IQANK1: variants seen among roughly 807,000 people sequenced by gnomAD.
IQANK1 encodes the protein IQ motif and ankyrin repeat containing 1.
In IQANK1, 30 loss-of-function variants were observed where a neutral mutation model predicts 22.6. The observed-to-expected ratio is 1.33, with a 90% CI of 0.99 to 1.80. The LOEUF (loss-of-function observed/expected upper bound fraction) is 1.80. Among genes scored for constraint, IQANK1 ranks in the 40% most tolerant of loss-of-function variants. IQANK1 has a pLI of 0.00. For missense variants in IQANK1, 275 were observed against 235.2 expected (o/e 1.17, Z -1.11); for synonymous variants, 122 against 99.6 (o/e 1.23, Z -1.34).
chr8:143,749,510 TATAAAAATATATATCAC>T (rs551291966), intron 3 of IQANK1, among the ~76,000 whole-genome samples: 2,299 of 138,674 alleles, frequency 0.017, 28 homozygotes, highest in Non-Finnish European at 0.025. Context: ...CATATAAATA[TATAAAAATATATATCAC>T]ATAAAAATAT....
In IQANK1 at chr8:143,790,029, G is replaced by A; in HGVS notation, c.1254G>A (p.Met418Ile). ...TCACCGAGCTGCACGATGTGCTGAT[G>A]AAAGATGTAGGCAACCGCATCCGTG... The part of the protein sequence containing the change: ...CQVTELHDVL[M>I]KDVGNRIRAD... Residue 418 changes from methionine to isoleucine, a missense_variant, in exon 12 of 14, where the codon ATG (methionine) becomes ATA (isoleucine). Met to Ile is a conservative substitution (Grantham distance 10). Coordinates refer to ENST00000527139, the MANE Select transcript of IQANK1 (RefSeq NM_001381874.1). 1 of 1,232,136 alleles carries A rather than the reference G, an allele frequency of 8.1e-7. No homozygotes were observed. The highest frequency in any genetic ancestry group is 1.0e-6 in the Non-Finnish European group (1 of 988,032). 76.3% of individuals were successfully genotyped at this position (1,232,136 alleles called of 1,614,324 possible).
At chr8:143,760,078 T>C (rs1319531075) in intron 3 of IQANK1, among the ~76,000 whole-genome samples, 1 of 152,142 alleles carries the variant, frequency 6.6e-6, no homozygotes, top group Non-Finnish European at 1.5e-5. Context: ...GGCCCCAGAA[T>C]TTGGCATTCA....
chr8:143,756,964 T>G (rs1369633766), intron 3 of IQANK1, among the ~76,000 whole-genome samples: 2 of 147,656 alleles, frequency 1.4e-5, no homozygotes, highest in African/African-American at 5.0e-5. Context: ...GGTGACAGAA[T>G]AGGACCCTGT....
chr8:143,739,505 TGGG>T (rs1175563448), intron 2 of IQANK1: 1 of 234,078 alleles, frequency 4.3e-6, no homozygotes, highest in Non-Finnish European at 8.2e-6. Flanking sequence ...TGGCACAAGG[TGGG>T]GGACAGTGTC....
intron 3 of IQANK1, among the ~76,000 whole-genome samples, chr8:143,754,635 T>A (rs940070443): frequency 3.3e-5 from 5 of 151,562 alleles, no homozygotes; most frequent in African/African-American, 7.3e-5. Context: ...TTATTATTAT[T>A]TTTTTTTTGA....
At chr8:143,753,211 G>T (rs1819228717) in intron 3 of IQANK1, among the ~76,000 whole-genome samples, 1 of 151,656 alleles carries the variant, frequency 6.6e-6, no homozygotes, top group Non-Finnish European at 1.5e-5. Context: ...ACAGGGTTTT[G>T]CTATGTTGCC....
At chr8:143,776,103 C>T (rs1040948006) in intron 7 of IQANK1, among the ~76,000 whole-genome samples, 5 of 151,332 alleles carry the variant, frequency 3.3e-5, no homozygotes, top group Admixed American at 6.6e-5. Context: ...GGGCAGATTA[C>T]GGGGTCAGGA....
intron 3 of IQANK1, among the ~76,000 whole-genome samples, chr8:143,766,130 T>C (rs527934353): frequency 1.3e-5 from 2 of 152,288 alleles, no homozygotes; most frequent in African/African-American, 4.8e-5. Flanking sequence ...AGGTTTTAGA[T>C]TGGATTTCCC....
intron 3 of IQANK1, among the ~76,000 whole-genome samples, chr8:143,748,792 T>TATATATC (rs1563770416): frequency 2.3e-4 from 26 of 111,296 alleles, no homozygotes; most frequent in African/African-American, 7.4e-4. Context: ...CATATATAAA[T>TATATATC]ATATAAATAT....
chr8:143,749,278 TATATATAAAAATATATA>T (rs1462041095), intron 3 of IQANK1, among the ~76,000 whole-genome samples: 8 of 122,322 alleles, frequency 6.5e-5, no homozygotes, highest in African/African-American at 1.7e-4. Flanking sequence ...TATATATAAA[TATATATAAAAATATATA>T]ATATATAAAA....
intron 7 of IQANK1, 41 bp downstream of exon 7, chr8:143,772,523 CCGGGAGGTGTGGGCCT>C (rs1239654322): frequency 2.0e-5 from 8 of 398,194 alleles, no homozygotes; most frequent in East Asian, 3.6e-5. Flanking sequence ...GGTGTGAGCC[CCGGGAGGTGTGGGCCT>C]CGGGAGGTGT....
intron 3 of IQANK1, among the ~76,000 whole-genome samples, chr8:143,765,671 T>C (rs1161255675): frequency 6.6e-6 from 1 of 152,252 alleles, no homozygotes; most frequent in Admixed American, 6.5e-5. Context: ...TTTTCACTTT[T>C]GGTATGTTAT....
intron 3 of IQANK1, among the ~76,000 whole-genome samples, chr8:143,747,638 G>GTT (rs34261314): frequency 0.039 from 5,912 of 150,618 alleles, 351 homozygotes; most frequent in African/African-American, 0.13. Context: ...GTTGAAGGGT[G>GTT]TTTTTTTTTA....
intron 3 of IQANK1, among the ~76,000 whole-genome samples, chr8:143,757,040 C>G (rs568001641): frequency 5.4e-4 from 82 of 152,070 alleles, no homozygotes; most frequent in Middle Eastern, 3.4e-3. Context: ...GGGTTCTGTG[C>G]TGTGATTTTC....
At chr8:143,739,689 A>G (rs1818846941) in intron 2 of IQANK1, among the ~76,000 whole-genome samples, 170 bp from the exon 3 acceptor site, 2 of 152,116 alleles carry the variant, frequency 1.3e-5, no homozygotes, top group African/African-American at 2.4e-5. Flanking sequence ...CTGCTGGAGG[A>G]GCCCGTGCTC....
In IQANK1 at chr8:143,771,722, C is replaced by G. The variant is rs1180756654; in HGVS notation, c.307-79C>G. Reference sequence around the variant, plus strand: ...GGGTGAGGCTCAGATCGGGCTCCGACCTCAGAGGCGTGGACCGTGGCCTCG... The same window carrying G: ...GGGTGAGGCTCAGATCGGGCTCCGAGCTCAGAGGCGTGGACCGTGGCCTCG... On this transcript the variant is annotated intron_variant, in intron 4 of 13. Transcript: ENST00000527139. The surrounding 1 kb of genome is among the most constrained non-coding windows in gnomAD (Gnocchi z 6.0). The G allele has an allele frequency of 5.0e-6, 2 of 397,040 alleles. No homozygotes were observed. The highest frequency in any genetic ancestry group is 4.4e-5 in the Admixed American group (1 of 22,634). 24.6% of individuals were successfully genotyped at this position (397,040 alleles called of 1,614,324 possible).
intron 7 of IQANK1, among the ~76,000 whole-genome samples, chr8:143,778,269 C>T (rs538899300): frequency 1.7e-4 from 25 of 151,232 alleles, no homozygotes; most frequent in African/African-American, 5.8e-4. Flanking sequence ...CTATAAGAAA[C>T]AAGCTTTAAA....
chr8:143,769,799 C>T (rs529324391), intron 3 of IQANK1, among the ~76,000 whole-genome samples: 1 of 152,258 alleles, frequency 6.6e-6, no homozygotes, highest in Non-Finnish European at 1.5e-5. Context: ...TCTGTCTTCT[C>T]TCTTGCTGTC....
At chr8:143,779,311 A>C (rs996079566) in intron 7 of IQANK1, among the ~76,000 whole-genome samples, 1 of 152,200 alleles carries the variant, frequency 6.6e-6, no homozygotes, top group Admixed American at 6.5e-5. Flanking sequence ...GAGAAAGCAA[A>C]GAAGGACTGT....
Sources: allele counts gnomAD v4.1 joint callset (sites outside exome capture counted in the v4.1 genomes callset), GRCh38; gene constraint gnomAD v4.1.1; non-coding constraint Gnocchi (gnomAD v3.1); transcripts MANE v1.5; gene names NCBI Gene and HGNC (gene_info 2026-07-23, HGNC 2026-07-21).